The following NUP210 variants were observed in gnomAD, a reference collection of about 807,000 sequenced individuals.
NUP210 encodes nuclear pore membrane glycoprotein 210.
In NUP210, 151 loss-of-function variants were observed where a neutral mutation model predicts 196.0. That is an observed-to-expected ratio of 0.77 (90% CI 0.67 to 0.88). The LOEUF is 0.88. Among genes scored for constraint, NUP210 ranks in the 40% least tolerant of loss-of-function variants. NUP210 has a pLI of 0.00. For synonymous variants in NUP210, 1,070 were observed against 1,052.7 expected, an observed-to-expected ratio of 1.02 and a Z score of -0.32; for missense variants, 2,314 against 2,493.7, an observed-to-expected ratio of 0.93 and a Z score of 1.53.
chr3:13,356,697 C>T (rs929084915), intron 16 of NUP210, among the ~76,000 whole-genome samples: 1 of 152,168 alleles, frequency 6.6e-6, no homozygotes, highest in Non-Finnish European at 1.5e-5. Context: ...CAGAGTCACA[C>T]CTGAATGGCT....
chr3:13,366,185 G>C, intron 13 of NUP210, 94 bp from the exon 14 acceptor site: 1 of 1,290,856 alleles, frequency 7.7e-7, no homozygotes, highest in African/African-American at 1.5e-5. Context: ...CTGGAGTACA[G>C]TGGCATGATC....
rs1246018746 is a variant in NUP210, at chr3:13,325,893, G to A, written c.4546C>T (p.Leu1516Phe). Residue 1516 changes from leucine (L) to phenylalanine (F), a missense_variant, in exon 33 of 40, where the codon CTC (leucine) becomes TTC (phenylalanine). Coordinates refer to ENST00000254508, the MANE Select transcript of NUP210 (RefSeq NM_024923.4). ...GTWSSSANSI[L>F]HIDPKTGVAV... The stretch of plus-strand genomic sequence containing the variant: ...ACACCCGTCTTGGGGTCGATGTGGA[G>A]GATGCTGTTGGCCGAGGAGCTCCAG... 1 of 1,614,138 alleles carries A rather than the reference G, an allele frequency of 6.2e-7. No homozygotes were observed. The highest frequency in any genetic ancestry group is 1.3e-5 in the African/African-American group (1 of 75,078).
chr3:13,372,540 G>A (rs980211848), intron 12 of NUP210, among the ~76,000 whole-genome samples: 2 of 152,308 alleles, frequency 1.3e-5, no homozygotes, highest in South Asian at 2.1e-4. Flanking sequence ...AGAGAGATGC[G>A]ACAGCTTGAG....
At position 13,340,371 on chromosome 3, in the gene NUP210, C is replaced by T; in HGVS notation, c.3229-73G>A. ...GGCGCCAAGCATAACTCACACACTA[C>T]ATGTTTCATGAGAGGAAAACCTGGG... On this transcript the variant is annotated intron_variant, in intron 23 of 39. Transcript: ENST00000254508. The surrounding 1 kb of genome is among the most constrained non-coding windows in gnomAD (Gnocchi z 4.0). The T allele has an allele frequency of 7.5e-7, 1 of 1,334,440 alleles. No individual in the cohort carries two copies. Among genetic ancestry groups the T allele is most frequent in the Non-Finnish European group, 1.1e-6 (1 of 932,460 alleles). The allele number at this position is 1,334,440 out of a possible 1,614,324, so 82.7% of individuals were successfully genotyped here. A position where few individuals can be genotyped will look rare whatever the true frequency, so the allele number is the denominator to read the frequency against.
intron 1 of NUP210, among the ~76,000 whole-genome samples, chr3:13,413,664 G>C (rs553189446): frequency 1.3e-5 from 2 of 152,200 alleles, no homozygotes; most frequent in Non-Finnish European, 2.9e-5. Flanking sequence ...ACAATGAAAA[G>C]ATGGTGTTGG....
Position 13,378,962 on chromosome 3 carries a change from G to C in NUP210, c.995C>G (p.Ala332Gly). The change falls in exon 8 of 40, where the codon GCT becomes GGT. Residue 332 changes from alanine to glycine, a missense_variant. Ala to Gly is a moderately conservative substitution (Grantham distance 60, BLOSUM62 0). Coordinates refer to ENST00000254508, the MANE Select transcript of NUP210 (RefSeq NM_024923.4). ...GATAGTGCTGTTGGGTAACCTAGAA[G>C]CACCTTGCATGCGAATACCTGAATT... ...LGHRSIRMQG[A>G]SRLPNSTIYV... The C allele has an allele frequency of 6.2e-7, 1 of 1,614,092 alleles. No homozygotes were observed. Among genetic ancestry groups the C allele is most frequent in the Non-Finnish European group, 8.5e-7 (1 of 1,179,942 alleles).
At chr3:13,358,528 T>C (rs1698265881) in intron 15 of NUP210, 133 bp from the exon 16 acceptor site, 1 of 833,900 alleles carries the variant, frequency 1.2e-6, no homozygotes. Context: ...ACGATACCCA[T>C]GCCACAGGGT....
Position 13,342,000 on chromosome 3 carries a change from A to T in NUP210, c.3088T>A (p.Leu1030Met). The change falls in exon 22 of 40, where the codon TTG becomes ATG. Residue 1030 changes from leucine to methionine, a missense_variant. Transcript: ENST00000254508. ...CTGACCCCTAGGAGAACTCACACCA[A>T]TGTAATGATCGGGGAGGCTGCTCGG... ...KLRAASPIIT[L>M]VALDEALDNY... The T allele has an allele frequency of 1.2e-6, 2 of 1,614,168 alleles. No individual in the cohort carries two copies. The highest frequency in any genetic ancestry group is 2.2e-5 in the South Asian group (2 of 91,086).
intron 1 of NUP210, among the ~76,000 whole-genome samples, chr3:13,406,214 G>A (rs939582646): frequency 1.3e-5 from 2 of 152,144 alleles, no homozygotes; most frequent in Non-Finnish European, 2.9e-5. Context: ...GCCCTGCAAC[G>A]CCAGCCATGC....
chr3:13,372,629 G>A (rs1455159325), intron 12 of NUP210, among the ~76,000 whole-genome samples: 1 of 152,214 alleles, frequency 6.6e-6, no homozygotes. Flanking sequence ...TGGTAGAGCG[G>A]CTGGAGCCAG....
In NUP210 at chr3:13,406,883, G is replaced by A. The variant is rs1025896877; in HGVS notation, c.168-7022C>T. On this transcript the variant is annotated intron_variant, in intron 1 of 39. Transcript: ENST00000254508. ...GGCACACATGGCAGGTTTCATAGTCGGGAGTGGTGCGTGTGGCTTTCCCAG... is the reference window on the plus strand; with the variant it reads ...GGCACACATGGCAGGTTTCATAGTCAGGAGTGGTGCGTGTGGCTTTCCCAG... Among the ~76,000 whole-genome samples, 8 of 137,194 alleles carry A rather than the reference G, an allele frequency of 5.8e-5. No homozygotes were observed. The South Asian group carries it at 9.0e-4, about 15-fold the overall frequency. The allele number at this position is 137,194 out of a possible 152,430, so 90.0% of individuals were successfully genotyped here.
At chr3:13,345,025 C>T in intron 20 of NUP210, 2 of 985,434 alleles carry the variant, frequency 2.0e-6, no homozygotes, top group Non-Finnish European at 2.4e-6. Flanking sequence ...CTTGGCCTTC[C>T]CCTCCAGGCT....
rs567861477 is a variant in NUP210, at chr3:13,361,118, T to C, written c.1933-627A>G. On this transcript the variant is annotated intron_variant, in intron 14 of 39. Transcript: ENST00000254508. ...ACCAAAGGAGATGCAGCCTGTGGTGTCCTTGCTGGCATCATTGCCAGTGGT... is the reference window on the plus strand; with the variant it reads ...ACCAAAGGAGATGCAGCCTGTGGTGCCCTTGCTGGCATCATTGCCAGTGGT... Among the ~76,000 whole-genome samples the C allele has an allele frequency of 6.6e-5, 10 of 152,330 alleles. No individual in the cohort carries two copies. In the East Asian group the frequency reaches 1.7e-3, roughly 26 times the overall value.
In NUP210 at chr3:13,339,932, G is replaced by A. The variant is rs750190590; in HGVS notation, c.3393C>T (p.Leu1131=). 9.9e-6 allele frequency: 16 copies of A among 1,613,884 alleles called. No individual in the cohort carries two copies. Among genetic ancestry groups the A allele is most frequent in the Admixed American group, 3.3e-5 (2 of 60,008 alleles). Residue 1131 remains leucine (L), a synonymous_variant, in exon 25 of 40, where the codon CTC becomes CTT. Coordinates refer to ENST00000254508, the MANE Select transcript of NUP210 (RefSeq NM_024923.4). ...CAGACACAGTGCCGTTCCCGATGGC[G>A]AGGCCCTGTACCAGCCCAGCAGCGC... The part of the protein sequence containing the change: ...LVSAAGLVQG[L]AIGNGTVSGL...
At chr3:13,334,610 C>A (rs569656917) in intron 28 of NUP210, among the ~76,000 whole-genome samples, 1 of 152,264 alleles carries the variant, frequency 6.6e-6, no homozygotes, top group Non-Finnish European at 1.5e-5. Flanking sequence ...ATATAAGGAA[C>A]ACTTTTTGTT....
intron 5 of NUP210, 121 bp downstream of exon 5, chr3:13,388,182 G>A (rs572574141): frequency 7.2e-5 from 50 of 692,352 alleles, no homozygotes; most frequent in African/African-American, 7.0e-4. Context: ...CTGAAATCAC[G>A]GGACAGCATC....
In NUP210 at chr3:13,382,327, T is replaced by G. The variant is rs141376758; in HGVS notation, c.818-2606A>C. 1.2e-4 allele frequency among the ~76,000 whole-genome samples: 19 copies of G among 152,192 alleles called. No individual in the cohort carries two copies. The East Asian group carries it at 3.7e-3, about 29-fold the overall frequency. ...CACTGGAAGCCCATCCTATAAGCAA[T>G]ACAGATGCCCTGCTATAAGCCTCAG... is the stretch of plus-strand genomic sequence containing the variant. On this transcript the variant is annotated intron_variant, in intron 6 of 39. Coordinates refer to ENST00000254508, the MANE Select transcript of NUP210 (RefSeq NM_024923.4).
chr3:13,330,760 G>T (rs983128213), intron 29 of NUP210, 126 bp from the exon 30 acceptor site: 10 of 876,410 alleles, frequency 1.1e-5, no homozygotes, highest in African/African-American at 1.7e-5. Flanking sequence ...GCCCAATCTT[G>T]GCCCCACGGA....
chr3:13,321,756 C>A lies in NUP210; in HGVS notation c.4995G>T (p.Leu1665=), dbSNP rs1696539297. The change falls in exon 36 of 40, where the codon CTG becomes CTT. Residue 1665 remains leucine, a synonymous_variant. Transcript: ENST00000254508. Reference sequence around the variant, plus strand: ...TGCTGGAGAGGGAGGCACTGACCACCAGAGCTGTCTTCTTCATGCTCAGGT... The same window carrying A: ...TGCTGGAGAGGGAGGCACTGACCACAAGAGCTGTCTTCTTCATGCTCAGGT... ...RKHLSMKKTA[L]VVSASLSSSH... The A allele has an allele frequency of 1.9e-6, 3 of 1,613,566 alleles. No individual in the cohort carries two copies.
Sources: gnomAD v4.1 joint callset for allele counts (sites outside exome capture counted in the v4.1 genomes callset) on GRCh38, gnomAD v4.1.1 for gene constraint, Gnocchi (gnomAD v3.1) non-coding constraint, MANE v1.5 for transcripts, NCBI Gene and HGNC (gene_info 2026-07-23, HGNC 2026-07-21) for gene names.